SLC7A14: variants seen among roughly 807,000 people sequenced by gnomAD.
SLC7A14 encodes gamma-aminobutyric acid transporter SLC7A14.
Under a neutral mutation model 60.2 loss-of-function variants are expected in SLC7A14, and 37 were observed. The observed-to-expected ratio is 0.61, with a 90% CI of 0.47 to 0.81. The LOEUF (loss-of-function observed/expected upper bound fraction) is 0.81. Ranked by LOEUF, SLC7A14 falls within the 30% of genes least tolerant of loss-of-function variation. SLC7A14 has a pLI of 0.00. For missense variants in SLC7A14, 886 were observed against 982.7 expected (o/e 0.90, Z 1.32); for synonymous variants, 399 against 395.8 (o/e 1.01, Z -0.10).
rs571156914 is a variant in SLC7A14, at chr3:170,537,738, C to T, written c.-152-10650G>A. On this transcript the variant is annotated intron_variant, in intron 1 of 7. Transcript: ENST00000231706. ...GCTTTCAGAGGAGCAGCTTCAGAGC[C>T]TGAGCGCTGAAGTGGTTTATTTGAG... 2.1e-4 allele frequency among the ~76,000 whole-genome samples: 32 copies of T among 152,342 alleles called. No homozygotes were observed. The South Asian group carries it at 6.4e-3, about 31-fold the overall frequency.
At chr3:170,476,205 G>C (rs1476037669) in intron 7 of SLC7A14, among the ~76,000 whole-genome samples, 8 of 152,214 alleles carry the variant, frequency 5.3e-5, no homozygotes. Flanking sequence ...GGAAGCCTGG[G>C]CTTAGAATGT....
At position 170,551,403 on chromosome 3, in the gene SLC7A14, T is replaced by C. The variant is rs529273553; in HGVS notation, c.-152-24315A>G. Among the ~76,000 whole-genome samples the C allele has an allele frequency of 1.1e-4, 17 of 152,326 alleles. 1 individual carries two copies. Among genetic ancestry groups the C allele is most frequent in the African/African-American group, 4.1e-4 (17 of 41,572 alleles). On this transcript the variant is annotated intron_variant, in intron 1 of 7. Coordinates refer to ENST00000231706, the MANE Select transcript of SLC7A14 (RefSeq NM_020949.3). ...TTGTGTGGACATTCGTTTTCAGGTC[T>C]CTTGGATACATACTGGGAGTGGAAG...
intron 3 of SLC7A14, among the ~76,000 whole-genome samples, chr3:170,499,096 G>A (rs764819193): frequency 6.6e-6 from 1 of 151,718 alleles, no homozygotes; most frequent in African/African-American, 2.4e-5. Flanking sequence ...AATTAGCCGG[G>A]TGTGGTGGCG....
chr3:170,511,817 C>A (rs1014170337), intron 2 of SLC7A14, among the ~76,000 whole-genome samples: 1 of 152,172 alleles, frequency 6.6e-6, no homozygotes. Flanking sequence ...TAAAACAGAA[C>A]CTGGAGAAGT....
intron 7 of SLC7A14, among the ~76,000 whole-genome samples, chr3:170,476,273 G>A (rs1432632546): frequency 6.6e-6 from 1 of 152,206 alleles, no homozygotes; most frequent in Non-Finnish European, 1.5e-5. Flanking sequence ...TCTTTGTTCT[G>A]GGTGAAACTT....
intron 2 of SLC7A14, among the ~76,000 whole-genome samples, chr3:170,517,732 T>G (rs1394322514): frequency 6.6e-6 from 1 of 152,234 alleles, no homozygotes; most frequent in African/African-American, 2.4e-5. Flanking sequence ...AACAGAGCTC[T>G]GCTCTCTGTT....
At chr3:170,471,090 G>GTGT (rs1553864202) in intron 7 of SLC7A14, among the ~76,000 whole-genome samples, 2 of 146,452 alleles carry the variant, frequency 1.4e-5, no homozygotes, top group African/African-American at 5.1e-5. Context: ...TCTGGGAAGG[G>GTGT]GTGTGTGTGT....
intron 1 of SLC7A14, among the ~76,000 whole-genome samples, chr3:170,548,894 T>C (rs1264390089): frequency 6.6e-6 from 1 of 152,340 alleles, no homozygotes; most frequent in South Asian, 2.1e-4. Flanking sequence ...AATTGTGTCA[T>C]TATTCATTAG....
Position 170,482,929 on chromosome 3 carries a change from G to C in SLC7A14, c.1115+385C>G, listed in dbSNP as rs57097172. 5.3e-3 allele frequency among the ~76,000 whole-genome samples: 800 copies of C among 151,852 alleles called. 5 individuals are homozygous for C. Among genetic ancestry groups the C allele is most frequent in the African/African-American group, 0.018 (758 of 41,392 alleles). On this transcript the variant is annotated intron_variant, in intron 6 of 7. Transcript: ENST00000231706. ...TTTTTTTTTTTTTCATTTTCAGAGG[G>C]GCTGTGGAGAGTGGGGCAGTTACCA...
chr3:170,469,561 C>G (rs930161376), intron 7 of SLC7A14, among the ~76,000 whole-genome samples: 2 of 152,198 alleles, frequency 1.3e-5, no homozygotes, highest in South Asian at 2.1e-4. Context: ...ACATTAAGGC[C>G]TCTTCTAAGA....
rs144541220 is a variant in SLC7A14, at chr3:170,467,207, C to T, written c.2164G>A (p.Gly722Arg). The part of the protein sequence containing the change: ...TEGESQEDWG[G>R]PTEDKGFYYQ... ...TAGAAGCCTTTGTCTTCAGTGGGCC[C>T]GCCCCAGTCCTCCTGGCTCTCGCCC... Residue 722 changes from glycine (G) to arginine (R), a missense_variant, in exon 8 of 8, where the codon GGG (glycine) becomes AGG (arginine). Gly to Arg is a moderately radical substitution (Grantham distance 125). Coordinates refer to ENST00000231706, the MANE Select transcript of SLC7A14 (RefSeq NM_020949.3). 1,683 of 1,614,256 alleles carry T rather than the reference C, an allele frequency of 1.0e-3. 12 individuals carry two copies. The African/African-American group carries it at 0.019, about 19-fold the overall frequency.
At chr3:170,552,618 C>CA (rs1435980678) in intron 1 of SLC7A14, among the ~76,000 whole-genome samples, 10 of 152,160 alleles carry the variant, frequency 6.6e-5, no homozygotes, top group Non-Finnish European at 1.2e-4. Context: ...AACTAAATGA[C>CA]ACTGTGTCCC....
At chr3:170,558,427 C>T (rs1157928825) in intron 1 of SLC7A14, among the ~76,000 whole-genome samples, 2 of 152,068 alleles carry the variant, frequency 1.3e-5, no homozygotes, top group Non-Finnish European at 2.9e-5. Context: ...CAGTGGATCA[C>T]CCCAACAACC....
At chr3:170,530,282 T>C (rs1713635913) in intron 1 of SLC7A14, among the ~76,000 whole-genome samples, 1 of 152,134 alleles carries the variant, frequency 6.6e-6, no homozygotes, top group African/African-American at 2.4e-5. Flanking sequence ...CTCCTCACAT[T>C]GTGGTTCAAG....
chr3:170,468,549 A>G (rs1293361267), intron 7 of SLC7A14, among the ~76,000 whole-genome samples: 1 of 152,084 alleles, frequency 6.6e-6, no homozygotes, highest in African/African-American at 2.4e-5. Flanking sequence ...GCCTGCTTCC[A>G]CTTCCCAATG....
intron 7 of SLC7A14, among the ~76,000 whole-genome samples, chr3:170,477,057 T>C (rs1256915231): frequency 6.6e-6 from 1 of 152,258 alleles, no homozygotes; most frequent in Non-Finnish European, 1.5e-5. Context: ...TGGGACCCTG[T>C]GCACAGCTGT....
intron 2 of SLC7A14, among the ~76,000 whole-genome samples, chr3:170,512,337 G>T (rs1368843362): frequency 6.6e-6 from 1 of 152,216 alleles, no homozygotes; most frequent in African/African-American, 2.4e-5. Flanking sequence ...GGGAGCCACA[G>T]CAAATCTTTC....
rs1193542897 is a variant in SLC7A14 at position 170,516,745 on chromosome 3, G to A, written c.304+9888C>T. Among the ~76,000 whole-genome samples, 18 of 151,918 alleles carry A rather than the reference G, an allele frequency of 1.2e-4. 1 individual carries two copies. The highest frequency in any genetic ancestry group is 1.2e-3 in the Admixed American group (18 of 15,232). On this transcript the variant is annotated intron_variant, in intron 2 of 7. Transcript: ENST00000231706. ...TCATGCCACTGCACTTCAGCTTGGA[G>A]GACAGAGTGAAATCCTATCTCAAAC...
At position 170,462,052 on chromosome 3, in the gene SLC7A14, C is replaced by T. The variant is rs73882013; in HGVS notation, c.*5003G>A. On this transcript the variant is annotated 3_prime_UTR_variant, in exon 8 of 8. Coordinates refer to ENST00000231706, the MANE Select transcript of SLC7A14 (RefSeq NM_020949.3). ...CGCTGCGTAGACTCCGTAAGCAGAC[C>T]CCCGCTCTGGCTTCAGACACATTTC... 7,949 of 152,408 alleles carry T rather than the reference C, an allele frequency of 0.052. 539 individuals carry two copies. Among genetic ancestry groups the T allele is most frequent in the African/African-American group, 0.16 (6,477 of 41,488 alleles). The allele number at this position is 152,408 out of a possible 1,614,324, so 9.4% of individuals were successfully genotyped here. A position where few individuals can be genotyped will look rare whatever the true frequency, so the allele number is the denominator to read the frequency against.
Sources: gnomAD v4.1 joint callset for allele counts (sites outside exome capture counted in the v4.1 genomes callset) on GRCh38, gnomAD v4.1.1 for gene constraint, MANE v1.5 for transcripts, NCBI Gene and HGNC (gene_info 2026-07-23, HGNC 2026-07-21) for gene names.